Variants in CTNNA3 observed in about 807,000 individuals in gnomAD.
The protein encoded by CTNNA3 is catenin alpha 3, also known as catenin alpha-3.
CTNNA3 carries 76 observed loss-of-function variants against 95.7 expected under a neutral mutation model. The ratio of observed to expected loss-of-function variants is 0.79; its 90% CI spans 0.66 to 0.96. CTNNA3 has a LOEUF of 0.96. Among genes scored for constraint, CTNNA3 ranks in the 40% least tolerant of loss-of-function variants. The probability of loss-of-function intolerance (pLI) is 0.00; values close to 1 mark genes in which losing one functional copy is unlikely to be tolerated. For synonymous variants in CTNNA3, 431 were observed against 374.4 expected, an observed-to-expected ratio of 1.15 and a Z score of -1.74; for missense variants, 1,191 against 1,089.8, an observed-to-expected ratio of 1.09 and a Z score of -1.31.
chr10:67,030,061 A>G (rs1382276019), intron 7 of CTNNA3, among the ~76,000 whole-genome samples: 3 of 152,230 alleles, frequency 2.0e-5, no homozygotes, highest in Non-Finnish European at 2.9e-5. Flanking sequence ...CTAAAAAACA[A>G]TCTTGTAATA....
At chr10:67,496,718 A>G (rs1839035571) in intron 5 of CTNNA3, among the ~76,000 whole-genome samples, 1 of 152,176 alleles carries the variant, frequency 6.6e-6, no homozygotes, top group Admixed American at 6.5e-5. Flanking sequence ...TCCTAATTCC[A>G]TCAATTTTGG....
Position 67,436,018 on chromosome 10 carries a change from C to A in CTNNA3, c.579+85824G>T, listed in dbSNP as rs1488866566. 3.9e-5 allele frequency among the ~76,000 whole-genome samples: 6 copies of A among 152,116 alleles called. No individual in the cohort carries two copies. The East Asian group carries it at 9.7e-4, about 25-fold the overall frequency. On this transcript the variant is annotated intron_variant, in intron 5 of 17. Coordinates refer to ENST00000433211, the MANE Select transcript of CTNNA3 (RefSeq NM_013266.4). ...CAAAAAAGAGCCTGCATAGCCAAAG[C>A]AAGAGAAAGCAAAAAGAACAAATCT...
chr10:65,985,615 T>C (rs981428036), intron 16 of CTNNA3, among the ~76,000 whole-genome samples: 2 of 151,436 alleles, frequency 1.3e-5, no homozygotes, highest in African/African-American at 2.4e-5. Context: ...GAATATATTG[T>C]TGACACAGAA....
chr10:66,557,027 A>G (rs1842412168), intron 10 of CTNNA3, among the ~76,000 whole-genome samples: 2 of 152,208 alleles, frequency 1.3e-5, no homozygotes, highest in Admixed American at 1.3e-4. Flanking sequence ...AGCATTTAAA[A>G]TAATACAACT....
At chr10:67,181,836 T>C (rs1461096506) in intron 6 of CTNNA3, among the ~76,000 whole-genome samples, 2 of 148,334 alleles carry the variant, frequency 1.3e-5, no homozygotes. Flanking sequence ...TTTTAAAACA[T>C]TTTTTTTAAA....
Position 66,932,796 on chromosome 10 carries a change from T to C in CTNNA3, c.1048-157272A>G, listed in dbSNP as rs79554258. On this transcript the variant is annotated intron_variant, in intron 7 of 17. Transcript: ENST00000433211. Reference sequence around the variant, plus strand: ...AATTCTTTTAGCCTCCAAAAGTTGGTGATGATTTTGGATACTTAATACTAC... The same window carrying C: ...AATTCTTTTAGCCTCCAAAAGTTGGCGATGATTTTGGATACTTAATACTAC... Among the ~76,000 whole-genome samples the C allele has an allele frequency of 6.2e-3, 940 of 152,262 alleles. 10 individuals carry two copies. Among genetic ancestry groups the C allele is most frequent in the African/African-American group, 0.021 (890 of 41,544 alleles).
chr10:66,428,532 A>C (rs1198259088), intron 11 of CTNNA3, among the ~76,000 whole-genome samples: 1 of 152,202 alleles, frequency 6.6e-6, no homozygotes, highest in Non-Finnish European at 1.5e-5. Flanking sequence ...ATGTAAAAGA[A>C]CAGAAATTAT....
intron 1 of CTNNA3, among the ~76,000 whole-genome samples, chr10:67,726,386 TTA>T (rs1337249447): frequency 4.0e-5 from 2 of 50,066 alleles, no homozygotes; most frequent in South Asian, 1.3e-3. Context: ...ATATATGAAA[TTA>T]TATATATTAT....
chr10:66,219,846 G>A (rs147499544), intron 13 of CTNNA3, among the ~76,000 whole-genome samples: 22 of 152,260 alleles, frequency 1.4e-4, no homozygotes, highest in Non-Finnish European at 2.9e-4. Context: ...AATAAAGGCT[G>A]GGTGCAGTGG....
At chr10:67,094,424 T>C (rs550475687) in intron 7 of CTNNA3, among the ~76,000 whole-genome samples, 10 of 151,992 alleles carry the variant, frequency 6.6e-5, no homozygotes, top group African/African-American at 1.9e-4. Flanking sequence ...ATAGCAATTG[T>C]ATTTAATGTA....
intron 15 of CTNNA3, among the ~76,000 whole-genome samples, chr10:66,008,907 C>A (rs776751370): frequency 3.7e-4 from 57 of 152,052 alleles, no homozygotes; most frequent in Non-Finnish European, 6.5e-4. Context: ...CAAGACCAGC[C>A]TGACCAACAT....
chr10:66,014,890 G>T (rs1358944862), intron 15 of CTNNA3, among the ~76,000 whole-genome samples: 4 of 152,080 alleles, frequency 2.6e-5, no homozygotes, highest in African/African-American at 9.7e-5. Flanking sequence ...GGATCACGAG[G>T]TCAAGAGAGC....
intron 17 of CTNNA3, among the ~76,000 whole-genome samples, chr10:65,921,645 TG>T (rs2077087840): frequency 6.6e-6 from 1 of 152,170 alleles, no homozygotes; most frequent in South Asian, 2.1e-4. Flanking sequence ...GTCTGTCACC[TG>T]GGAAAGCAGC....
chr10:66,440,474 T>G (rs997766052), intron 11 of CTNNA3, among the ~76,000 whole-genome samples: 20 of 152,186 alleles, frequency 1.3e-4, no homozygotes, highest in Non-Finnish European at 5.9e-5. Flanking sequence ...AATGTTTATG[T>G]TATCTTCTTC....
intron 10 of CTNNA3, among the ~76,000 whole-genome samples, chr10:66,593,418 A>G (rs759333823): frequency 6.6e-6 from 1 of 152,184 alleles, no homozygotes; most frequent in Non-Finnish European, 1.5e-5. Flanking sequence ...TGTAGTTTGC[A>G]TCAGAATCAG....
intron 12 of CTNNA3, among the ~76,000 whole-genome samples, chr10:66,337,087 T>C (rs988342056): frequency 2.6e-5 from 4 of 152,160 alleles, no homozygotes; most frequent in African/African-American, 9.6e-5. Flanking sequence ...TTATTTTGTT[T>C]CTAAACATAT....
chr10:66,524,847 C>T (rs113553838), intron 10 of CTNNA3, among the ~76,000 whole-genome samples: 6,607 of 152,058 alleles, frequency 0.043, 194 homozygotes, highest in South Asian at 0.067. Context: ...GTCAGGAGTG[C>T]GAGACCAGAC....
intron 9 of CTNNA3, among the ~76,000 whole-genome samples, chr10:66,747,872 G>A (rs1838952166): frequency 6.6e-6 from 1 of 152,112 alleles, no homozygotes; most frequent in African/African-American, 2.4e-5. Context: ...TCTAAAAAAG[G>A]TTTATAACAA....
chr10:67,561,397 A>G (rs1841503977), intron 3 of CTNNA3, among the ~76,000 whole-genome samples: 1 of 114,950 alleles, frequency 8.7e-6, no homozygotes, highest in Non-Finnish European at 1.7e-5. Context: ...TACTGGGTAC[A>G]TGACAAAATG....
Sources: gnomAD v4.1 joint callset for allele counts (sites outside exome capture counted in the v4.1 genomes callset) on GRCh38, gnomAD v4.1.1 for gene constraint, MANE v1.5 for transcripts, NCBI Gene and HGNC (gene_info 2026-07-23, HGNC 2026-07-21) for gene names.